PCSK5: variants seen among roughly 807,000 people sequenced by gnomAD.
PCSK5 encodes proprotein convertase subtilisin/kexin type 5.
PCSK5 carries 129 observed loss-of-function variants against 233.2 expected under a neutral mutation model. That is an observed-to-expected ratio of 0.55 (90% CI 0.48 to 0.64). The LOEUF is 0.64. Ranked by LOEUF, PCSK5 falls within the 30% of genes least tolerant of loss-of-function variation. The pLI is 0.00. For synonymous variants in PCSK5, 825 were observed against 879.2 expected, an observed-to-expected ratio of 0.94 and a Z score of 1.09; for missense variants, 2,076 against 2,430.1, an observed-to-expected ratio of 0.85 and a Z score of 3.06.
At chr9:76,036,647 A>G (rs976562534) in intron 5 of PCSK5, among the ~76,000 whole-genome samples, 1 of 152,262 alleles carries the variant, frequency 6.6e-6, no homozygotes, top group African/African-American at 2.4e-5. Flanking sequence ...TAATAAAATT[A>G]GTACATCTGC....
chr9:76,330,211 T>G (rs1829485433), intron 33 of PCSK5, among the ~76,000 whole-genome samples: 1 of 152,224 alleles, frequency 6.6e-6, no homozygotes, highest in Non-Finnish European at 1.5e-5. Context: ...AGGTCAAGGT[T>G]GGCCACGGTC....
At chr9:76,315,204 C>G (rs1477789401) in intron 30 of PCSK5, among the ~76,000 whole-genome samples, 3 of 151,246 alleles carry the variant, frequency 2.0e-5, no homozygotes, top group Non-Finnish European at 3.0e-5. Flanking sequence ...TCCACCCACC[C>G]TGGCCTTTCA....
At position 76,010,077 on chromosome 9, in the gene PCSK5, T is replaced by C. The variant is rs115189058; in HGVS notation, c.412-13661T>C. On this transcript the variant is annotated intron_variant, in intron 3 of 37. Transcript: ENST00000674117. The stretch of plus-strand genomic sequence containing the variant: ...TCTTTCTCTTAGGAGAGAAAGCCTT[T>C]TGTGATGTCTTTCTTTCTACTTGGG... Among the ~76,000 whole-genome samples, 1,176 of 152,232 alleles carry C rather than the reference T, an allele frequency of 7.7e-3. 17 individuals are homozygous for C. The highest frequency in any genetic ancestry group is 0.026 in the African/African-American group (1,079 of 41,524).
chr9:76,251,551 G>A (rs1259659208), intron 24 of PCSK5, among the ~76,000 whole-genome samples: 3 of 135,088 alleles, frequency 2.2e-5, no homozygotes, highest in Non-Finnish European at 3.1e-5. Context: ...GTGACAGAGC[G>A]AGACTCCGTC....
chr9:75,928,131 AGAG>A (rs1003674997), intron 1 of PCSK5, among the ~76,000 whole-genome samples: 10 of 152,322 alleles, frequency 6.6e-5, no homozygotes, highest in Admixed American at 3.3e-4. Flanking sequence ...ACTGTACAGA[AGAG>A]GAGCTTTAGA....
At chr9:76,099,995 T>G (rs1428056965) in intron 8 of PCSK5, among the ~76,000 whole-genome samples, 5 of 152,208 alleles carry the variant, frequency 3.3e-5, no homozygotes, top group Non-Finnish European at 7.3e-5. Flanking sequence ...GTTAAATAAA[T>G]TTTACTTGTT....
rs557495411 is a variant in PCSK5 at position 76,214,470 on chromosome 9, GA to G, written c.2627-13032del. ...ACTCTGGTTAAAAGAGGAGAGTTTG[GA>G]GTCTGACTTCTTGGTTTAAGTCCCA... is the stretch of plus-strand genomic sequence containing the variant. On this transcript the variant is annotated intron_variant, in intron 20 of 37. Coordinates refer to ENST00000674117, the MANE Select transcript of PCSK5 (RefSeq NM_001372043.1). Among the ~76,000 whole-genome samples the G allele has an allele frequency of 6.0e-4, 92 of 152,202 alleles. 1 individual carries two copies. Among genetic ancestry groups the G allele is most frequent in the African/African-American group, 2.1e-3 (89 of 41,516 alleles).
At chr9:76,198,094 A>T (rs1824770912) in intron 20 of PCSK5, among the ~76,000 whole-genome samples, 1 of 152,154 alleles carries the variant, frequency 6.6e-6, no homozygotes, top group Non-Finnish European at 1.5e-5. Flanking sequence ...CAGCCTCACT[A>T]CGTTTCAGCG....
chr9:76,047,249 A>G (rs925842146), intron 5 of PCSK5, among the ~76,000 whole-genome samples: 1 of 151,956 alleles, frequency 6.6e-6, no homozygotes, highest in Non-Finnish European at 1.5e-5. Flanking sequence ...GGCGCCCGCC[A>G]CCATGCCCAG....
intron 20 of PCSK5, among the ~76,000 whole-genome samples, chr9:76,220,248 T>C (rs1292080503): frequency 6.6e-6 from 1 of 152,172 alleles, no homozygotes; most frequent in Non-Finnish European, 1.5e-5. Context: ...CTCTCAGGGC[T>C]GGGCATGGTG....
At chr9:75,893,789 T>C (rs1825704872) in intron 1 of PCSK5, among the ~76,000 whole-genome samples, 1 of 152,190 alleles carries the variant, frequency 6.6e-6, no homozygotes, top group Non-Finnish European at 1.5e-5. Flanking sequence ...TGAGGAAATT[T>C]AGTGCTTATA....
intron 20 of PCSK5, among the ~76,000 whole-genome samples, chr9:76,206,415 T>C (rs1236551158): frequency 2.0e-5 from 3 of 152,208 alleles, no homozygotes; most frequent in African/African-American, 7.2e-5. Flanking sequence ...TCTGGAAGCA[T>C]ACGAAACATC....
intron 8 of PCSK5, among the ~76,000 whole-genome samples, chr9:76,106,560 G>GGAGAAATAACT (rs2131678205): frequency 6.6e-6 from 1 of 152,268 alleles, no homozygotes; most frequent in African/African-American, 2.4e-5. Flanking sequence ...AAAATAAAAT[G>GGAGAAATAACT]GAGAAATAAC....
chr9:76,072,451 G>A (rs1041150122), intron 7 of PCSK5, among the ~76,000 whole-genome samples: 7 of 152,188 alleles, frequency 4.6e-5, no homozygotes, highest in Admixed American at 4.6e-4. Flanking sequence ...ATAATCTAAT[G>A]TAATAAAATG....
chr9:76,355,441 C>G (rs950591557), intron 37 of PCSK5, among the ~76,000 whole-genome samples: 9 of 151,756 alleles, frequency 5.9e-5, no homozygotes, highest in Non-Finnish European at 5.9e-5. Flanking sequence ...CCACTGCACT[C>G]CAGCCTGGGT....
At chr9:76,354,009 G>C (rs1383789667) in intron 36 of PCSK5, 24 bp from the exon 37 acceptor site, 2 of 1,575,432 alleles carry the variant, frequency 1.3e-6, no homozygotes, top group Middle Eastern at 3.4e-4. Context: ...CACTCAAAAG[G>C]AACCTCTTGA....
intron 24 of PCSK5, among the ~76,000 whole-genome samples, chr9:76,284,467 C>G (rs1827990286): frequency 6.6e-6 from 1 of 151,818 alleles, no homozygotes; most frequent in Non-Finnish European, 1.5e-5. Context: ...TCACCTTCCA[C>G]CATGATTGTG....
chr9:76,348,725 A>G (rs1830040522), intron 35 of PCSK5, among the ~76,000 whole-genome samples: 1 of 152,198 alleles, frequency 6.6e-6, no homozygotes, highest in Non-Finnish European at 1.5e-5. Context: ...ATGAGATATA[A>G]TAGATCTCAA....
chr9:75,926,191 T>G (rs2131267127), intron 1 of PCSK5, among the ~76,000 whole-genome samples: 1 of 149,894 alleles, frequency 6.7e-6, no homozygotes, highest in South Asian at 2.1e-4. Flanking sequence ...TGCAAAGAAA[T>G]AACCAGAATT....
Sources: allele counts gnomAD v4.1 joint callset (sites outside exome capture counted in the v4.1 genomes callset), GRCh38; gene constraint gnomAD v4.1.1; transcripts MANE v1.5; gene names NCBI Gene and HGNC (gene_info 2026-07-23, HGNC 2026-07-21).